The following INO80D variants were observed in gnomAD, a reference collection of about 807,000 sequenced individuals.
The protein encoded by INO80D is INO80 complex subunit D.
INO80D carries 21 observed loss-of-function variants against 87.6 expected under a neutral mutation model. The ratio of observed to expected loss-of-function variants is 0.24; its 90% confidence interval spans 0.17 to 0.35. INO80D has a LOEUF of 0.35. INO80D is among the 10% of genes least tolerant of loss of function. INO80D has a pLI of 1.00. For synonymous variants in INO80D, 440 were observed against 491.0 expected, an observed-to-expected ratio of 0.90 and a Z score of 1.37; for missense variants, 982 against 1,280.7, an observed-to-expected ratio of 0.77 and a Z score of 3.56.
intron 6 of INO80D, among the ~76,000 whole-genome samples, chr2:206,026,225 T>C (rs567843048): frequency 6.6e-6 from 1 of 152,198 alleles, no homozygotes; most frequent in South Asian, 2.1e-4. Flanking sequence ...AAATTCAATT[T>C]AGTGCTTTAA....
chr2:206,015,305 TG>T (rs1688288488), intron 8 of INO80D, among the ~76,000 whole-genome samples: 1 of 152,192 alleles, frequency 6.6e-6, no homozygotes, highest in African/African-American at 2.4e-5. Context: ...GCACGTCAGA[TG>T]TCTTCTCGGC....
intron 4 of INO80D, among the ~76,000 whole-genome samples, chr2:206,054,794 G>A (rs774825073): frequency 2.0e-5 from 3 of 152,038 alleles, no homozygotes; most frequent in Non-Finnish European, 2.9e-5. Flanking sequence ...GATTACAGGC[G>A]TGAGCTACCA....
At chr2:206,074,649 C>T (rs1690062364) in intron 1 of INO80D, among the ~76,000 whole-genome samples, 2 of 151,874 alleles carry the variant, frequency 1.3e-5, no homozygotes, top group African/African-American at 4.8e-5. Context: ...TTTAAAAAAT[C>T]CTCATTGGGG....
At chr2:206,017,047 G>GC (rs1688338039) in intron 8 of INO80D, among the ~76,000 whole-genome samples, 1 of 152,094 alleles carries the variant, frequency 6.6e-6, no homozygotes, top group African/African-American at 2.4e-5. Context: ...TGAATCCTTA[G>GC]CCCCTAGTTA....
chr2:206,032,095 G>A (rs987308043), intron 5 of INO80D, among the ~76,000 whole-genome samples: 1 of 152,192 alleles, frequency 6.6e-6, no homozygotes, highest in African/African-American at 2.4e-5. Flanking sequence ...TCTTTCGGGA[G>A]GGCAGCCAGA....
At chr2:206,013,349 C>T (rs1018898954) in intron 8 of INO80D, among the ~76,000 whole-genome samples, 4 of 151,978 alleles carry the variant, frequency 2.6e-5, no homozygotes, top group African/African-American at 7.3e-5. Flanking sequence ...GTCAGGAGAT[C>T]GAGATCTTCC....
At chr2:206,080,372 C>A (rs951853429) in intron 1 of INO80D, among the ~76,000 whole-genome samples, 1 of 152,192 alleles carries the variant, frequency 6.6e-6, no homozygotes, top group South Asian at 2.1e-4. Flanking sequence ...CAAACCCACC[C>A]TGTGCTCCTT....
chr2:206,068,897 C>G (rs1489282561), intron 1 of INO80D, among the ~76,000 whole-genome samples: 1 of 151,780 alleles, frequency 6.6e-6, no homozygotes, highest in African/African-American at 2.4e-5. Flanking sequence ...GACGAGGTTT[C>G]ACCATGTTGC....
intron 4 of INO80D, among the ~76,000 whole-genome samples, chr2:206,053,148 C>T (rs996316778): frequency 4.6e-5 from 7 of 151,468 alleles, no homozygotes; most frequent in East Asian, 1.9e-4. Context: ...AGCTTGGAAT[C>T]GGCAATTCCA....
intron 3 of INO80D, among the ~76,000 whole-genome samples, chr2:206,059,758 T>C (rs1234051199): frequency 6.6e-6 from 1 of 152,196 alleles, no homozygotes; most frequent in African/African-American, 2.4e-5. Context: ...TGTGTGTCTG[T>C]GTGTCTGTGT....
At position 206,056,488 on chromosome 2, in the gene INO80D, G is replaced by A. The variant is rs763688588; in HGVS notation, c.674C>T (p.Pro225Leu). Residue 225 changes from proline (P) to leucine (L), a missense_variant, in exon 4 of 11, where the codon CCG becomes CTG. By Grantham distance (98) the Pro-to-Leu change is moderately conservative (BLOSUM62 -3). Transcript: ENST00000403263. ...AGGTGACTTGCAGACTGAACCCTGC[G>A]GTGGCGCTGGAGGTTTTAAAGAAGT... is the stretch of plus-strand genomic sequence containing the variant. ...LSTSLKPPAPPQGSVCKSPQP... is the reference protein window; with the variant it reads ...LSTSLKPPAPLQGSVCKSPQP... The A allele has an allele frequency of 1.2e-5, 20 of 1,613,744 alleles. No homozygotes were observed. The highest frequency in any genetic ancestry group is 1.6e-4 in the Middle Eastern group (1 of 6,084).
intron 1 of INO80D, among the ~76,000 whole-genome samples, chr2:206,074,352 G>A (rs112485705): frequency 2.2e-3 from 336 of 152,286 alleles, no homozygotes; most frequent in African/African-American, 7.6e-3. Flanking sequence ...GGAGGGTCAC[G>A]CCTGTAATCC....
At position 205,998,155 on chromosome 2, in the gene INO80D, C is replaced by A. The variant is rs1050211859; in HGVS notation, c.*6213G>T. 9.2e-5 allele frequency: 14 copies of A among 152,108 alleles called. No homozygotes were observed. The highest frequency in any genetic ancestry group is 1.8e-4 in the Non-Finnish European group (12 of 67,984). 9.4% of individuals were successfully genotyped at this position (152,108 alleles called of 1,614,324 possible). ...TCCATAGGAAATAAAAGAGGTCTTA[C>A]AAACTTAGTTTACAAATTCCAGCTA... On this transcript the variant is annotated 3_prime_UTR_variant, in exon 11 of 11. Transcript: ENST00000403263.
chr2:205,998,770 CCT>C lies in INO80D; in HGVS notation c.*5596_*5597del, dbSNP rs1687853361. ...CTGTGGGCTACAAAACCAAATGTTT[CCT>C]CTTTCTTCCGCTCTCTTCAATGATG... On this transcript the variant is annotated 3_prime_UTR_variant, in exon 11 of 11. Transcript: ENST00000403263. The C allele has an allele frequency of 6.6e-6, 1 of 152,144 alleles. No individual in the cohort carries two copies. The highest frequency in any genetic ancestry group is 1.5e-5 in the Non-Finnish European group (1 of 68,022). 9.4% of individuals were successfully genotyped at this position (152,144 alleles called of 1,614,324 possible). A position where few individuals can be genotyped will look rare whatever the true frequency, so the allele number is the denominator to read the frequency against.
At chr2:206,078,239 G>A (rs1246835943) in intron 1 of INO80D, among the ~76,000 whole-genome samples, 1 of 151,778 alleles carries the variant, frequency 6.6e-6, no homozygotes, top group African/African-American at 2.4e-5. Context: ...CCAACATGGC[G>A]AAACCCTGTC....
intron 1 of INO80D, among the ~76,000 whole-genome samples, chr2:206,076,005 T>C (rs1164921423): frequency 1.4e-5 from 2 of 145,050 alleles, no homozygotes; most frequent in Non-Finnish European, 3.0e-5. Flanking sequence ...TAAGCCAAGA[T>C]AGCACCACTG....
intron 4 of INO80D, among the ~76,000 whole-genome samples, chr2:206,051,624 G>A (rs1203871661): frequency 6.6e-6 from 1 of 151,872 alleles, no homozygotes; most frequent in Admixed American, 6.6e-5. Flanking sequence ...AATATTCTTG[G>A]AGTATATAGG....
At chr2:206,045,019 A>G (rs1432009964) in intron 5 of INO80D, among the ~76,000 whole-genome samples, 1 of 152,222 alleles carries the variant, frequency 6.6e-6, no homozygotes, top group East Asian at 1.9e-4. Flanking sequence ...AAAAAAAGGT[A>G]TAACATTCTC....
At chr2:206,073,268 G>A (rs1043410649) in intron 1 of INO80D, among the ~76,000 whole-genome samples, 3 of 152,030 alleles carry the variant, frequency 2.0e-5, no homozygotes, top group Non-Finnish European at 2.9e-5. Flanking sequence ...TATGACAAAC[G>A]CACTGAGGCA....
Sources: allele counts gnomAD v4.1 joint callset (sites outside exome capture counted in the v4.1 genomes callset), GRCh38; gene constraint gnomAD v4.1.1; transcripts MANE v1.5; gene names NCBI Gene and HGNC (gene_info 2026-07-23, HGNC 2026-07-21).